The following ZXDC variants were observed in gnomAD, a reference collection of about 807,000 sequenced individuals.
The protein encoded by ZXDC is ZXD family zinc finger C, also known as zinc finger protein ZXDC.
In ZXDC, 58 loss-of-function variants were observed where a neutral mutation model predicts 63.6. That is an observed-to-expected ratio of 0.91 (90% confidence interval 0.74 to 1.13). The LOEUF (loss-of-function observed/expected upper bound fraction) is 1.13, where lower values mean the gene tolerates loss of function less well. Among genes scored for constraint, ZXDC ranks in the 50% most tolerant of loss-of-function variants. ZXDC has a pLI of 0.00. For missense variants in ZXDC, 1,133 were observed against 1,148.9 expected (o/e 0.99, Z 0.20); for synonymous variants, 561 against 496.1 (o/e 1.13, Z -1.74).
At chr3:126,441,977 A>G in intron 7 of ZXDC, 31 bp from the exon 8 acceptor site, 2 of 1,556,494 alleles carry the variant, frequency 1.3e-6, no homozygotes, top group Non-Finnish European at 1.7e-6. Flanking sequence ...GAGCACACCC[A>G]ATCTACAATC....
At chr3:126,467,359 G>T (rs2107654569) in intron 4 of ZXDC, among the ~76,000 whole-genome samples, 1 of 152,240 alleles carries the variant, frequency 6.6e-6, no homozygotes, top group African/African-American at 2.4e-5. Context: ...TCTGTTCTGT[G>T]AAACGGGAGT....
At chr3:126,455,973 C>T (rs1439615455) in intron 7 of ZXDC, among the ~76,000 whole-genome samples, 3 of 150,990 alleles carry the variant, frequency 2.0e-5, no homozygotes, top group East Asian at 1.9e-4. Context: ...GCTCTCCAGC[C>T]GGGGCGACAG....
At chr3:126,469,993 G>A (rs914259943) in intron 4 of ZXDC, among the ~76,000 whole-genome samples, 23 of 152,180 alleles carry the variant, frequency 1.5e-4, no homozygotes, top group African/African-American at 4.8e-4. Context: ...TTTAGGGAGC[G>A]GTAGAGCCAG....
Position 126,459,678 on chromosome 3 carries a change from C to CT in ZXDC, c.2186dup (p.Gln730AlafsTer71). 2.5e-6 allele frequency: 4 copies of CT among 1,614,208 alleles called. No homozygotes were observed. The highest frequency in any genetic ancestry group is 3.4e-6 in the Non-Finnish European group (4 of 1,180,028). Reference sequence around the variant, plus strand: ...CTGCATTGCTCCCCGCTCCTCTCTGCTTTTTTTCCTTGGCTAGTTGAATGG... The same window carrying CT: ...CTGCATTGCTCCCCGCTCCTCTCTGCTTTTTTTTCCTTGGCTAGTTGAATGG... On this transcript the variant is annotated frameshift_variant, in exon 7 of 10. Coordinates refer to ENST00000389709, the MANE Select transcript of ZXDC (RefSeq NM_025112.5). LOFTEE classifies it high-confidence loss of function.
intron 7 of ZXDC, chr3:126,451,469 G>T (rs976421144): frequency 2.0e-6 from 2 of 985,312 alleles, no homozygotes; most frequent in African/African-American, 3.5e-5. Context: ...TTCAAAAAAT[G>T]TAATTGTAAG....
chr3:126,439,787 G>A (rs940003695), intron 8 of ZXDC, 60 bp from the exon 9 acceptor site: 105 of 1,508,854 alleles, frequency 7.0e-5, no homozygotes, highest in Non-Finnish European at 9.1e-5. Flanking sequence ...AAAGGTCCTC[G>A]TCTCACCTGA....
At position 126,471,075 on chromosome 3, in the gene ZXDC, T is replaced by C. The variant is rs968141591; in HGVS notation, c.1140-50A>G. On this transcript the variant is annotated intron_variant, in intron 3 of 9. Coordinates refer to ENST00000389709, the MANE Select transcript of ZXDC (RefSeq NM_025112.5). ...CTGTGATTCCTCACACAACTCACCA[T>C]AATTCTTTAAAATTCTACAAAACAT... The C allele has an allele frequency of 6.3e-6, 10 of 1,588,050 alleles. No homozygotes were observed. In the South Asian group the frequency reaches 6.7e-5, roughly 11 times the overall value.
intron 6 of ZXDC, chr3:126,460,195 T>C: frequency 1.0e-6 from 1 of 954,424 alleles, no homozygotes; most frequent in Non-Finnish European, 1.2e-6. Context: ...GGGCTATACT[T>C]TGTCAAAGTC....
chr3:126,471,682 T>G (rs1258123857), intron 3 of ZXDC, among the ~76,000 whole-genome samples: 1 of 151,940 alleles, frequency 6.6e-6, no homozygotes, highest in Non-Finnish European at 1.5e-5. Flanking sequence ...GAAGAAAGCT[T>G]ATTCTACAAT....
chr3:126,467,914 A>C (rs1301908908), intron 4 of ZXDC, among the ~76,000 whole-genome samples: 1 of 152,214 alleles, frequency 6.6e-6, no homozygotes, highest in African/African-American at 2.4e-5. Flanking sequence ...TCTTGCCAGC[A>C]CTGGGTTTCC....
intron 9 of ZXDC, 81 bp from the exon 10 acceptor site, chr3:126,438,542 G>T: frequency 7.7e-7 from 1 of 1,305,114 alleles, no homozygotes; most frequent in Non-Finnish European, 1.1e-6. Flanking sequence ...GCAGGACACT[G>T]ACCAGGCCCG....
At chr3:126,458,048 A>T (rs1934378938) in intron 7 of ZXDC, among the ~76,000 whole-genome samples, 1 of 152,238 alleles carries the variant, frequency 6.6e-6, no homozygotes. Flanking sequence ...TCAAGAGATG[A>T]TGTATCAACC....
chr3:126,459,920 G>A (rs968790357), intron 6 of ZXDC, 183 bp from the exon 7 acceptor site: 1 of 985,438 alleles, frequency 1.0e-6, no homozygotes, highest in Non-Finnish European at 1.2e-6. Context: ...GAACAAACTT[G>A]GAGCTGGAAC....
intron 7 of ZXDC, chr3:126,454,064 A>G (rs796088197): frequency 3.3e-5 from 21 of 644,386 alleles, no homozygotes; most frequent in Non-Finnish European, 4.0e-5. Context: ...ATATATATAT[A>G]TTTTTTTTTT....
chr3:126,454,679 C>T, intron 7 of ZXDC: 2 of 985,464 alleles, frequency 2.0e-6, no homozygotes, highest in South Asian at 4.7e-5. Flanking sequence ...TGTCTTGCTG[C>T]TGTCTCCTCT....
At chr3:126,456,117 T>A (rs925034059) in intron 7 of ZXDC, among the ~76,000 whole-genome samples, 4 of 151,580 alleles carry the variant, frequency 2.6e-5, no homozygotes, top group African/African-American at 9.7e-5. Flanking sequence ...ATAAGGGAAA[T>A]GGAAAATCAC....
intron 7 of ZXDC, chr3:126,454,158 A>C: frequency 4.1e-6 from 4 of 968,606 alleles, no homozygotes; most frequent in Non-Finnish European, 4.9e-6. Flanking sequence ...ATGGAATAGG[A>C]TCTGTTAAAT....
At chr3:126,454,031 T>C in intron 7 of ZXDC, 4 of 759,756 alleles carry the variant, frequency 5.3e-6, no homozygotes, top group Non-Finnish European at 6.4e-6. Flanking sequence ...ATATTATGTA[T>C]ATATATAGGT....
chr3:126,442,771 G>C (rs1359784566), intron 7 of ZXDC: 1 of 152,216 alleles, frequency 6.6e-6, no homozygotes, highest in Non-Finnish European at 1.5e-5. Flanking sequence ...ACACATCCCT[G>C]CCTGGATGTG....
Sources: gnomAD v4.1 joint callset for allele counts (sites outside exome capture counted in the v4.1 genomes callset) on GRCh38, gnomAD v4.1.1 for gene constraint, MANE v1.5 for transcripts, NCBI Gene and HGNC (gene_info 2026-07-23, HGNC 2026-07-21) for gene names.